The following MACROD2 variants were observed in gnomAD, a reference collection of about 807,000 sequenced individuals.
MACROD2 encodes the protein mono-ADP ribosylhydrolase 2.
In MACROD2, 36 loss-of-function variants were observed where a neutral mutation model predicts 70.4. The observed-to-expected ratio is 0.51, with a 90% CI of 0.39 to 0.68. The LOEUF is 0.68. MACROD2 is among the 30% of genes least tolerant of loss of function. The pLI is 0.00. For synonymous variants in MACROD2, 172 were observed against 178.8 expected (o/e 0.96, Z 0.30); for missense variants, 496 against 538.4 (o/e 0.92, Z 0.78).
intron 5 of MACROD2, among the ~76,000 whole-genome samples, chr20:15,165,147 A>T (rs1354465590): frequency 3.9e-5 from 6 of 152,156 alleles, no homozygotes. Context: ...AACATTTCAC[A>T]TATAAAGGTA....
chr20:14,953,626 A>G (rs1253678495), intron 5 of MACROD2, among the ~76,000 whole-genome samples: 2 of 152,108 alleles, frequency 1.3e-5, no homozygotes, highest in East Asian at 3.9e-4. Flanking sequence ...AAAAGTTATA[A>G]AAGAAATAGA....
Position 15,688,936 on chromosome 20 carries a change from G to A in MACROD2, c.646-173809G>A, listed in dbSNP as rs111339330. On this transcript the variant is annotated intron_variant, in intron 8 of 17. Coordinates refer to ENST00000684519, the MANE Select transcript of MACROD2 (RefSeq NM_001351661.2). ...GACATTTATCATATGATGTGTTGTC[G>A]TGGATAACAAGTATTTATTGCTCAC... Among the ~76,000 whole-genome samples the A allele has an allele frequency of 1.4e-3, 206 of 152,334 alleles. 2 individuals are homozygous for A. The highest frequency in any genetic ancestry group is 4.4e-3 in the African/African-American group (183 of 41,578).
At chr20:15,984,528 G>T (rs1047106067) in intron 13 of MACROD2, among the ~76,000 whole-genome samples, 4 of 151,650 alleles carry the variant, frequency 2.6e-5, no homozygotes, top group Non-Finnish European at 5.9e-5. Flanking sequence ...TTTTCAACAT[G>T]TCTTAACTTT....
chr20:14,459,114 G>A (rs2084337596), intron 3 of MACROD2, among the ~76,000 whole-genome samples: 1 of 151,880 alleles, frequency 6.6e-6, no homozygotes, highest in African/African-American at 2.4e-5. Context: ...GAGTCTTGTA[G>A]CAGGTAAGAC....
chr20:15,149,015 G>A (rs1447566293), intron 5 of MACROD2, among the ~76,000 whole-genome samples: 2 of 152,034 alleles, frequency 1.3e-5, no homozygotes, highest in East Asian at 3.8e-4. Context: ...AGTGATTGCA[G>A]TGGCCTTCTC....
Position 15,052,634 on chromosome 20 carries a change from T to C in MACROD2, c.419-177306T>C, listed in dbSNP as rs570845264. Among the ~76,000 whole-genome samples the C allele has an allele frequency of 4.1e-4, 62 of 152,340 alleles. 1 individual carries two copies. The highest frequency in any genetic ancestry group is 1.5e-3 in the African/African-American group (61 of 41,578). On this transcript the variant is annotated intron_variant, in intron 5 of 17. Coordinates refer to ENST00000684519, the MANE Select transcript of MACROD2 (RefSeq NM_001351661.2). Reference sequence around the variant, plus strand: ...GCTCCACTGACCTGTCATTCCCCTGTCTGTCTCCCTCTCCTGGAGCCTCCG... The same window carrying C: ...GCTCCACTGACCTGTCATTCCCCTGCCTGTCTCCCTCTCCTGGAGCCTCCG...
intron 3 of MACROD2, among the ~76,000 whole-genome samples, chr20:14,253,257 G>A (rs1388945514): frequency 6.6e-6 from 1 of 151,910 alleles, no homozygotes; most frequent in Admixed American, 6.6e-5. Context: ...AGATAACATG[G>A]TAGTTTTGGT....
chr20:14,400,182 A>C (rs2083623213), intron 3 of MACROD2, among the ~76,000 whole-genome samples: 1 of 152,158 alleles, frequency 6.6e-6, no homozygotes, highest in Non-Finnish European at 1.5e-5. Flanking sequence ...TCAATATCTT[A>C]ACTTTTATTC....
intron 5 of MACROD2, among the ~76,000 whole-genome samples, chr20:14,818,797 A>G (rs1195006645): frequency 1.4e-5 from 2 of 141,792 alleles, no homozygotes; most frequent in Non-Finnish European, 3.1e-5. Flanking sequence ...ATTACTGTTT[A>G]GAGATTGTTT....
intron 6 of MACROD2, among the ~76,000 whole-genome samples, chr20:15,367,723 A>G (rs990560208): frequency 4.6e-5 from 7 of 152,146 alleles, no homozygotes; most frequent in Admixed American, 1.3e-4. Flanking sequence ...TAAACAATAT[A>G]TATTGTGGAC....
intron 4 of MACROD2, among the ~76,000 whole-genome samples, chr20:14,512,965 A>T (rs1037069230): frequency 3.3e-5 from 5 of 152,074 alleles, no homozygotes; most frequent in Non-Finnish European, 7.4e-5. Flanking sequence ...GTGCCCAGGG[A>T]GACTTCATAG....
chr20:15,080,115 CAAATAAAT>C (rs11467492), intron 5 of MACROD2, among the ~76,000 whole-genome samples: 11,924 of 143,240 alleles, frequency 0.083, 882 homozygotes, highest in African/African-American at 0.2. Flanking sequence ...ACAGAACAGC[CAAATAAAT>C]AAATAAATAA....
At chr20:14,105,887 G>T (rs1261828327) in intron 3 of MACROD2, among the ~76,000 whole-genome samples, 1 of 152,126 alleles carries the variant, frequency 6.6e-6, no homozygotes, top group Admixed American at 6.5e-5. Flanking sequence ...GAGAACCTGC[G>T]GCCTTGAAGG....
intron 12 of MACROD2, among the ~76,000 whole-genome samples, chr20:15,959,686 C>T (rs1314853331): frequency 1.3e-5 from 2 of 152,048 alleles, no homozygotes; most frequent in African/African-American, 2.4e-5. Flanking sequence ...CCCTTCACCA[C>T]ACCTGGCTAA....
intron 4 of MACROD2, among the ~76,000 whole-genome samples, chr20:14,608,363 G>A (rs17187810): frequency 0.19 from 28,578 of 151,910 alleles, 3,353 homozygotes; most frequent in Non-Finnish European, 0.26. Context: ...TTCTCTTTTG[G>A]CCCATAAGTT....
chr20:14,439,021 CT>C (rs1238881570), intron 3 of MACROD2, among the ~76,000 whole-genome samples: 1 of 152,074 alleles, frequency 6.6e-6, no homozygotes, highest in African/African-American at 2.4e-5. Context: ...TCTCCTAAGA[CT>C]TTTGCGGTTT....
intron 3 of MACROD2, among the ~76,000 whole-genome samples, chr20:14,312,478 A>G (rs920752036): frequency 3.3e-5 from 5 of 152,218 alleles, no homozygotes; most frequent in African/African-American, 1.2e-4. Context: ...TATAAAAATT[A>G]TTTTTTGAGC....
chr20:14,604,872 C>T (rs1420904781), intron 4 of MACROD2, among the ~76,000 whole-genome samples: 1 of 152,114 alleles, frequency 6.6e-6, no homozygotes, highest in Non-Finnish European at 1.5e-5. Context: ...AAGAAGATAC[C>T]TTCAAGGGGC....
chr20:15,309,437 G>T (rs2077729994), intron 6 of MACROD2, among the ~76,000 whole-genome samples: 1 of 152,120 alleles, frequency 6.6e-6, no homozygotes, highest in Non-Finnish European at 1.5e-5. Context: ...ACCCTAATTG[G>T]CACCTAGCAC....
Sources: allele counts gnomAD v4.1 joint callset (sites outside exome capture counted in the v4.1 genomes callset), GRCh38; gene constraint gnomAD v4.1.1; transcripts MANE v1.5; gene names NCBI Gene and HGNC (gene_info 2026-07-23, HGNC 2026-07-21).